The following ATXN3 variants were observed in gnomAD, a reference collection of about 807,000 sequenced individuals.
ATXN3 encodes the protein ataxin 3.
Under a neutral mutation model 58.2 loss-of-function variants are expected in ATXN3, and 28 were observed. The ratio of observed to expected loss-of-function variants is 0.48; its 90% CI spans 0.36 to 0.66. The LOEUF is 0.66. Among genes scored for constraint, ATXN3 ranks in the 30% least tolerant of loss-of-function variants. The probability of loss-of-function intolerance (pLI) is 0.00; values close to 1 mark genes in which losing one functional copy is unlikely to be tolerated. For missense variants in ATXN3, 321 were observed against 422.1 expected (o/e 0.76, Z 2.10); for synonymous variants, 113 against 138.5 (o/e 0.82, Z 1.29).
intron 6 of ATXN3, among the ~76,000 whole-genome samples, chr14:92,085,518 T>G (rs2062255238): frequency 6.6e-6 from 1 of 152,052 alleles, no homozygotes; most frequent in Non-Finnish European, 1.5e-5. Flanking sequence ...CTAAGTGTGC[T>G]GGGAAGCCAC....
intron 9 of ATXN3, among the ~76,000 whole-genome samples, chr14:92,077,274 G>T (rs1369558679): frequency 6.6e-6 from 1 of 152,016 alleles, no homozygotes; most frequent in Admixed American, 6.6e-5. Context: ...CACTTACAAG[G>T]TAAGTGTGTA....
chr14:92,097,964 T>C (rs1478215995), intron 1 of ATXN3, among the ~76,000 whole-genome samples: 1 of 152,194 alleles, frequency 6.6e-6, no homozygotes, highest in Admixed American at 6.5e-5. Flanking sequence ...ATCAAAAATT[T>C]AAGAATTATT....
intron 9 of ATXN3, among the ~76,000 whole-genome samples, chr14:92,074,878 C>G (rs11850101): frequency 7.9e-5 from 12 of 151,994 alleles, no homozygotes. Flanking sequence ...TAACAGAAAG[C>G]ATCTGCATCC....
At chr14:92,088,130 G>T (rs1308642869) in intron 6 of ATXN3, among the ~76,000 whole-genome samples, 1 of 151,450 alleles carries the variant, frequency 6.6e-6, no homozygotes, top group Non-Finnish European at 1.5e-5. Flanking sequence ...GGGCAGTGGC[G>T]CGATCTCAGC....
At chr14:92,086,789 C>A in intron 6 of ATXN3, among the ~76,000 whole-genome samples, 1 of 147,770 alleles carries the variant, frequency 6.8e-6, no homozygotes. Flanking sequence ...AAATAAAAAG[C>A]TTATTTTACT....
chr14:92,095,982 T>C, intron 3 of ATXN3, 111 bp downstream of exon 3: 1 of 903,158 alleles, frequency 1.1e-6, no homozygotes, highest in Non-Finnish European at 1.9e-6. Flanking sequence ...TAATCTATAC[T>C]CTGTAGACAG....
rs139050721 is a variant in ATXN3 at position 92,083,203 on chromosome 14, G to C, written c.531C>G (p.Leu177=). 7.4e-6 allele frequency: 12 copies of C among 1,613,560 alleles called. No homozygotes were observed. The highest frequency in any genetic ancestry group is 1.3e-5 in the African/African-American group (1 of 74,834). The stretch of plus-strand genomic sequence containing the variant: ...TCTGTTGGACCCTAATCATCTGCAG[G>C]AGTTGGTCAGCTTCGCAATCTGGCA... The part of the protein sequence containing the change: ...GDLPDCEADQ[L]LQMIRVQQMH... The change falls in exon 7 of 11, where the codon CTC becomes CTG. Residue 177 remains leucine, a synonymous_variant. Transcript: ENST00000644486.
chr14:92,067,991 C>T (rs2058745830), intron 10 of ATXN3, among the ~76,000 whole-genome samples: 1 of 152,190 alleles, frequency 6.6e-6, no homozygotes, highest in African/African-American at 2.4e-5. Flanking sequence ...TGTTACTGAT[C>T]TCCACATGGC....
chr14:92,093,068 T>TTTTTA (rs1338529942), intron 5 of ATXN3, among the ~76,000 whole-genome samples, 184 bp downstream of exon 5: 2 of 76,332 alleles, frequency 2.6e-5, no homozygotes, highest in East Asian at 6.1e-4. Flanking sequence ...TTTATTTTTA[T>TTTTTA]TTTTTTTTTA....
At chr14:92,057,362 G>A (rs2057480545), downstream of ATXN3, among the ~76,000 whole-genome samples, 1 of 148,274 alleles carries the variant, frequency 6.7e-6, no homozygotes, top group Non-Finnish European at 1.5e-5. Flanking sequence ...GTTGCAGTGA[G>A]CTATCATGCC....
At chr14:92,105,939 C>T (rs1276747323) in intron 1 of ATXN3, among the ~76,000 whole-genome samples, 1 of 152,212 alleles carries the variant, frequency 6.6e-6, no homozygotes, top group Non-Finnish European at 1.5e-5. Context: ...CGCCGGGTTT[C>T]CTACTTCACT....
intron 1 of ATXN3, among the ~76,000 whole-genome samples, chr14:92,049,271 T>C (rs369770239): frequency 6.6e-6 from 1 of 151,470 alleles, no homozygotes; most frequent in Non-Finnish European, 1.5e-5. Context: ...GAGAAGGGGG[T>C]GGGTGAGCAG....
intron 2 of ATXN3, among the ~76,000 whole-genome samples, chr14:92,045,575 G>A (rs982254083): frequency 5.9e-5 from 9 of 151,940 alleles, no homozygotes; most frequent in African/African-American, 2.2e-4. Flanking sequence ...TAGGGAGGGG[G>A]CCTGAATAAT....
chr14:92,097,100 G>C (rs1477702228), intron 1 of ATXN3, among the ~76,000 whole-genome samples: 1 of 151,784 alleles, frequency 6.6e-6, no homozygotes, highest in Non-Finnish European at 1.5e-5. Context: ...GTAGAGACGG[G>C]GTTTCATCCT....
chr14:92,068,092 T>C (rs1161394767), intron 10 of ATXN3, among the ~76,000 whole-genome samples: 2 of 152,140 alleles, frequency 1.3e-5, no homozygotes, highest in Non-Finnish European at 2.9e-5. Context: ...ACATCACCCA[T>C]ATAGGAGCCA....
At chr14:92,089,340 T>C (rs2063283693) in intron 5 of ATXN3, among the ~76,000 whole-genome samples, 1 of 140,522 alleles carries the variant, frequency 7.1e-6, no homozygotes, top group South Asian at 2.3e-4. Context: ...CTCTTTTTTT[T>C]TTTTTTTTTT....
chr14:92,100,721 T>A (rs1469978517), intron 1 of ATXN3, among the ~76,000 whole-genome samples: 1 of 152,170 alleles, frequency 6.6e-6, no homozygotes, highest in East Asian at 1.9e-4. Context: ...TTGGTGGGAA[T>A]GCAGTGGAGA....
chr14:92,079,294 T>TAA (rs2061026384), intron 9 of ATXN3: 3 of 301,480 alleles, frequency 1.0e-5, no homozygotes, highest in Admixed American at 6.5e-5. Context: ...ATTTGGAGTT[T>TAA]ATTATAATAA....
At chr14:92,073,895 C>T (rs1189434569) in intron 9 of ATXN3, among the ~76,000 whole-genome samples, 3 of 151,482 alleles carry the variant, frequency 2.0e-5, no homozygotes, top group Non-Finnish European at 4.4e-5. Flanking sequence ...CACCTGTAGT[C>T]CCAGCTACTC....
Sources: allele counts gnomAD v4.1 joint callset (sites outside exome capture counted in the v4.1 genomes callset), GRCh38; gene constraint gnomAD v4.1.1; transcripts MANE v1.5; gene names NCBI Gene and HGNC (gene_info 2026-07-23, HGNC 2026-07-21).